The following CENPP variants were observed in gnomAD, a reference collection of about 807,000 sequenced individuals.
CENPP encodes centromere protein P.
Under a neutral mutation model 35.6 loss-of-function variants are expected in CENPP, and 24 were observed. The observed-to-expected ratio is 0.67, with a 90% CI of 0.49 to 0.95. The LOEUF is 0.95. Ranked by LOEUF, CENPP falls within the 40% of genes least tolerant of loss-of-function variation. The pLI, the probability that CENPP is intolerant of heterozygous loss-of-function variation, is 0.00. For missense variants in CENPP, 332 were observed against 345.3 expected, an observed-to-expected ratio of 0.96 and a Z score of 0.31; for synonymous variants, 120 against 125.5, an observed-to-expected ratio of 0.96 and a Z score of 0.29.
At chr9:92,608,128 A>G (rs1212251387) in intron 5 of CENPP, among the ~76,000 whole-genome samples, 1 of 152,086 alleles carries the variant, frequency 6.6e-6, no homozygotes, top group Admixed American at 6.5e-5. Context: ...TCCTGACAAT[A>G]TCCATGGAAG....
At chr9:92,328,684 A>T (rs950865280) in intron 1 of CENPP, among the ~76,000 whole-genome samples, 7 of 152,222 alleles carry the variant, frequency 4.6e-5, no homozygotes, top group Admixed American at 2.0e-4. Context: ...CTGACAAAAA[A>T]TTTTTATGTT....
chr9:92,399,296 G>A (rs1393955390), intron 5 of CENPP, among the ~76,000 whole-genome samples: 1 of 151,906 alleles, frequency 6.6e-6, no homozygotes, highest in Non-Finnish European at 1.5e-5. Context: ...TAATTTATAT[G>A]TCTCTGTGTG....
intron 5 of CENPP, among the ~76,000 whole-genome samples, chr9:92,533,328 A>AAAAAATATATAT (rs1554683138): frequency 2.6e-5 from 1 of 38,336 alleles, no homozygotes; most frequent in African/African-American, 1.5e-4. Flanking sequence ...AAAAAAAAAA[A>AAAAAATATATAT]ATATATATAT....
At chr9:92,492,687 C>T (rs1488728183) in intron 5 of CENPP, among the ~76,000 whole-genome samples, 1 of 152,182 alleles carries the variant, frequency 6.6e-6, no homozygotes, top group East Asian at 1.9e-4. Flanking sequence ...TTTTATTAGG[C>T]AGCCTGCCAC....
intron 5 of CENPP, among the ~76,000 whole-genome samples, chr9:92,592,206 A>T (rs1452965192): frequency 5.9e-5 from 9 of 152,032 alleles, no homozygotes; most frequent in Admixed American, 5.9e-4. Context: ...ACAGTTTGAT[A>T]GTTTTTCACA....
intron 1 of CENPP, among the ~76,000 whole-genome samples, chr9:92,331,699 C>T (rs1313073240): frequency 6.6e-6 from 1 of 152,144 alleles, no homozygotes. Flanking sequence ...TGGTGGATCA[C>T]GCCTGTAATC....
chr9:92,585,046 C>T (rs757049770), intron 5 of CENPP, among the ~76,000 whole-genome samples: 3 of 152,182 alleles, frequency 2.0e-5, no homozygotes, highest in Non-Finnish European at 4.4e-5. Flanking sequence ...GATTGCTATA[C>T]TATACAGATT....
chr9:92,544,968 C>T lies in CENPP; in HGVS notation c.565-66346C>T, dbSNP rs200719077. Among the ~76,000 whole-genome samples the T allele has an allele frequency of 7.9e-5, 12 of 152,174 alleles. No individual in the cohort carries two copies. In the East Asian group the frequency reaches 1.9e-3, roughly 25 times the overall value. On this transcript the variant is annotated intron_variant, in intron 5 of 7. Transcript: ENST00000375587. ...AACTCCTGACCTCAGGTGATCCACC[C>T]GCCTCAGCCCGCTCCAGAGTGCTGG...
rs547215751 is a variant in CENPP, at chr9:92,525,272, T to C, written c.565-86042T>C. On this transcript the variant is annotated intron_variant, in intron 5 of 7. Transcript: ENST00000375587. ...GTTCAAGGTTGCAGTGAGCAATGAT[T>C]GCAGCACTGTACTCCAGCCTGGGTA... 2.0e-5 allele frequency among the ~76,000 whole-genome samples: 3 copies of C among 151,552 alleles called. No homozygotes were observed. In the East Asian group the frequency reaches 5.8e-4, roughly 30 times the overall value.
rs373228163 is a variant in CENPP, at chr9:92,349,638, G to A, written c.467+3851G>A. ...AGGATGGTCTCGATCTCCTGACCTAGTGATCCGCCCACCTCAGCCTCCCAA... is the reference window on the plus strand; with the variant it reads ...AGGATGGTCTCGATCTCCTGACCTAATGATCCGCCCACCTCAGCCTCCCAA... On this transcript the variant is annotated intron_variant, in intron 4 of 7. Coordinates refer to ENST00000375587, the MANE Select transcript of CENPP (RefSeq NM_001012267.3). 1.9e-3 allele frequency among the ~76,000 whole-genome samples: 292 copies of A among 152,144 alleles called. 2 individuals carry two copies. The highest frequency in any genetic ancestry group is 0.017 in the Middle Eastern group (5 of 294).
At chr9:92,375,986 G>T (rs1301134718) in intron 4 of CENPP, among the ~76,000 whole-genome samples, 2 of 151,832 alleles carry the variant, frequency 1.3e-5, no homozygotes, top group East Asian at 3.9e-4. Context: ...AAGAAAAAAA[G>T]ATATCTTCTC....
At chr9:92,565,741 GGA>G (rs1263446288) in intron 5 of CENPP, among the ~76,000 whole-genome samples, 1 of 152,088 alleles carries the variant, frequency 6.6e-6, no homozygotes, top group East Asian at 1.9e-4. Context: ...TTAAAGACTA[GGA>G]GGATTCAAAA....
chr9:92,577,132 C>T (rs931122065), intron 5 of CENPP, among the ~76,000 whole-genome samples: 1 of 152,144 alleles, frequency 6.6e-6, no homozygotes, highest in Non-Finnish European at 1.5e-5. Flanking sequence ...AATACTTAGA[C>T]ATTATCTGTA....
chr9:92,522,768 G>A, intron 5 of CENPP: 2 of 1,613,986 alleles, frequency 1.2e-6, no homozygotes, highest in Non-Finnish European at 1.7e-6. Context: ...TTCTGTGGTA[G>A]ATCTTCCTCC....
chr9:92,404,070 G>T (rs1018310519), intron 5 of CENPP, among the ~76,000 whole-genome samples: 7 of 152,156 alleles, frequency 4.6e-5, no homozygotes, highest in Non-Finnish European at 8.8e-5. Context: ...AAAACTGAAA[G>T]AATAGTATTG....
At chr9:92,440,880 C>T (rs1242432935) in intron 5 of CENPP, among the ~76,000 whole-genome samples, 1 of 152,116 alleles carries the variant, frequency 6.6e-6, no homozygotes, top group Non-Finnish European at 1.5e-5. Context: ...TCAGTAAGTC[C>T]TCACTTAACA....
chr9:92,431,586 T>C (rs1298295526), intron 5 of CENPP, among the ~76,000 whole-genome samples: 18 of 152,152 alleles, frequency 1.2e-4, no homozygotes, highest in Admixed American at 1.2e-3. Flanking sequence ...TTCTTTTCTT[T>C]TTTTCCAAGA....
intron 5 of CENPP, chr9:92,515,328 G>T: frequency 6.6e-6 from 8 of 1,217,100 alleles, no homozygotes; most frequent in Non-Finnish European, 7.3e-6. Flanking sequence ...ATTTAAAGAT[G>T]AAATGCACCT....
At chr9:92,611,285 C>A in intron 5 of CENPP, 29 bp from the exon 6 acceptor site, 2 of 1,584,000 alleles carry the variant, frequency 1.3e-6, no homozygotes, top group Admixed American at 1.7e-5. Flanking sequence ...ACCAGTGGAT[C>A]TGTCTACCCG....
Sources: gnomAD v4.1 joint callset for allele counts (sites outside exome capture counted in the v4.1 genomes callset) on GRCh38, gnomAD v4.1.1 for gene constraint, MANE v1.5 for transcripts, NCBI Gene and HGNC (gene_info 2026-07-23, HGNC 2026-07-21) for gene names.